Variants in CRTAM observed in about 807,000 individuals in gnomAD.
CRTAM encodes cytotoxic and regulatory T-cell molecule.
CRTAM carries 44 observed loss-of-function variants against 50.0 expected under a neutral mutation model. The ratio of observed to expected loss-of-function variants is 0.88; its 90% CI spans 0.69 to 1.13. CRTAM has a LOEUF of 1.13. Among genes scored for constraint, CRTAM ranks in the 50% most tolerant of loss-of-function variants. The pLI is 0.00. For missense variants in CRTAM, 448 were observed against 457.5 expected (o/e 0.98, Z 0.19); for synonymous variants, 159 against 169.3 (o/e 0.94, Z 0.47).
Position 122,855,864 on chromosome 11 carries a change from G to A in CRTAM, c.652+8G>A. 3 of 1,605,448 alleles carry A rather than the reference G, an allele frequency of 1.9e-6. No individual in the cohort carries two copies. The highest frequency in any genetic ancestry group is 2.6e-6 in the Non-Finnish European group (3 of 1,175,238). On this transcript the variant is annotated splice_region_variant and intron_variant, in intron 5 of 9. Coordinates refer to ENST00000227348, the MANE Select transcript of CRTAM (RefSeq NM_019604.4). ...TCCGGTTTGAAGATTTGGGTAAGAA[G>A]AACTAATGATTCTCTTGAATAATTT... is the stretch of plus-strand genomic sequence containing the variant.
At chr11:122,840,803 G>GAA (rs113375065) in intron 1 of CRTAM, among the ~76,000 whole-genome samples, 1 of 144,596 alleles carries the variant, frequency 6.9e-6, no homozygotes, top group Non-Finnish European at 1.5e-5. Context: ...AAAATTTATG[G>GAA]AAAAAAAAAA....
chr11:122,867,979 C>A (rs758009524), intron 8 of CRTAM, 34 bp from the exon 9 acceptor site: 3 of 1,272,944 alleles, frequency 2.4e-6, no homozygotes, highest in Non-Finnish European at 3.4e-6. Context: ...TCCATGGCAT[C>A]AGAAATTAGT....
intron 5 of CRTAM, among the ~76,000 whole-genome samples, chr11:122,862,025 A>G (rs1380143024): frequency 6.6e-6 from 1 of 152,164 alleles, no homozygotes; most frequent in East Asian, 1.9e-4. Flanking sequence ...AAGAGAAAAA[A>G]AAGTGCTAGG....
At chr11:122,868,514 C>T (rs1862212513) in intron 9 of CRTAM, among the ~76,000 whole-genome samples, 1 of 151,994 alleles carries the variant, frequency 6.6e-6, no homozygotes, top group Non-Finnish European at 1.5e-5. Flanking sequence ...TCTTTCTGGG[C>T]CCCCAACAGA....
At chr11:122,863,349 GAAAA>G (rs1294206737) in intron 6 of CRTAM, among the ~76,000 whole-genome samples, 1 of 43,422 alleles carries the variant, frequency 2.3e-5, no homozygotes, top group Admixed American at 2.1e-4. Flanking sequence ...AAGAAAGAAA[GAAAA>G]AGAAAGAAAG....
At chr11:122,842,945 G>A (rs910264108) in intron 1 of CRTAM, among the ~76,000 whole-genome samples, 1 of 152,150 alleles carries the variant, frequency 6.6e-6, no homozygotes, top group African/African-American at 2.4e-5. Flanking sequence ...GGACAGGCTT[G>A]CTCTGCTCTG....
At chr11:122,856,025 G>A (rs1047535891) in intron 5 of CRTAM, among the ~76,000 whole-genome samples, 169 bp downstream of exon 5, 6 of 152,214 alleles carry the variant, frequency 3.9e-5, no homozygotes, top group Non-Finnish European at 4.4e-5. Flanking sequence ...GGTGAGTGAC[G>A]GAATTCCAAC....
chr11:122,848,108 G>A (rs1485427424), intron 1 of CRTAM, among the ~76,000 whole-genome samples: 5 of 152,188 alleles, frequency 3.3e-5, no homozygotes, highest in Non-Finnish European at 7.3e-5. Flanking sequence ...AAGAACTGAT[G>A]CGTGGGCCCC....
At chr11:122,845,265 G>A (rs1660789298) in intron 1 of CRTAM, among the ~76,000 whole-genome samples, 1 of 152,222 alleles carries the variant, frequency 6.6e-6, no homozygotes, top group African/African-American at 2.4e-5. Flanking sequence ...GATATGGTCT[G>A]AGAATGGAGC....
chr11:122,848,184 C>T (rs1861889299), intron 1 of CRTAM, among the ~76,000 whole-genome samples: 2 of 152,236 alleles, frequency 1.3e-5, no homozygotes, highest in African/African-American at 4.8e-5. Flanking sequence ...GTGAGTCTAA[C>T]ATACTGCCAA....
chr11:122,847,578 T>C (rs1355452324), intron 1 of CRTAM, among the ~76,000 whole-genome samples: 2 of 152,120 alleles, frequency 1.3e-5, no homozygotes, highest in African/African-American at 4.8e-5. Context: ...AGGAGCCTAG[T>C]GAGATGTTAC....
At chr11:122,861,406 ATATATATATATATAT>A (rs1862075415) in intron 5 of CRTAM, among the ~76,000 whole-genome samples, 3 of 19,004 alleles carry the variant, frequency 1.6e-4, no homozygotes, top group African/African-American at 2.9e-4. Context: ...ATATATATAT[ATATATATATATATAT>A]TTTTTTTTTT....
At chr11:122,865,131 G>A (rs572531692) in intron 7 of CRTAM, among the ~76,000 whole-genome samples, 8 of 151,878 alleles carry the variant, frequency 5.3e-5, no homozygotes, top group African/African-American at 1.9e-4. Flanking sequence ...CCACCTCCCG[G>A]GTTCAAGTGA....
Position 122,867,303 on chromosome 11 carries a change from T to C in CRTAM, c.818-106T>C, listed in dbSNP as rs921889758. 8 of 965,300 alleles carry C rather than the reference T, an allele frequency of 8.3e-6. No homozygotes were observed. The African/African-American group carries it at 1.3e-4, about 16-fold the overall frequency. The allele number at this position is 965,300 out of a possible 1,614,324, so 59.8% of individuals were successfully genotyped here. ...CTTTCTCATCTCTTCATCTGAGCTGTCTATTAGCTTATATCACATTGTAGA... is the reference window on the plus strand; with the variant it reads ...CTTTCTCATCTCTTCATCTGAGCTGCCTATTAGCTTATATCACATTGTAGA... On this transcript the variant is annotated intron_variant, in intron 7 of 9. Coordinates refer to ENST00000227348, the MANE Select transcript of CRTAM (RefSeq NM_019604.4).
In CRTAM at chr11:122,841,402, C is replaced by T. The variant is rs557874723; in HGVS notation, c.46+2810C>T. ...TTATTCCTAAATATATACTTTTACT[C>T]TATTTTTTTTTTTTTTGAGACAGAG... is the stretch of plus-strand genomic sequence containing the variant. On this transcript the variant is annotated intron_variant, in intron 1 of 9. Coordinates refer to ENST00000227348, the MANE Select transcript of CRTAM (RefSeq NM_019604.4). 6.7e-5 allele frequency among the ~76,000 whole-genome samples: 7 copies of T among 104,800 alleles called. 1 individual carries two copies. The highest frequency in any genetic ancestry group is 1.4e-4 in the Non-Finnish European group (7 of 51,484). 68.8% of individuals were successfully genotyped at this position (104,800 alleles called of 152,430 possible).
chr11:122,839,651 C>T (rs559184498), intron 1 of CRTAM, among the ~76,000 whole-genome samples: 2 of 152,266 alleles, frequency 1.3e-5, no homozygotes, highest in Admixed American at 1.3e-4. Flanking sequence ...CCTGTTGTCC[C>T]TCAGTCTCTG....
At chr11:122,852,792 G>C (rs1436062915) in intron 3 of CRTAM, among the ~76,000 whole-genome samples, 7 of 152,070 alleles carry the variant, frequency 4.6e-5, no homozygotes, top group Non-Finnish European at 1.0e-4. Context: ...AACAGTTTAG[G>C]GGCTGAAGCC....
chr11:122,842,030 C>T (rs1861805325), intron 1 of CRTAM, among the ~76,000 whole-genome samples: 1 of 152,150 alleles, frequency 6.6e-6, no homozygotes, highest in Non-Finnish European at 1.5e-5. Flanking sequence ...ATGAGAAAGA[C>T]ATTCCAGGAC....
chr11:122,844,226 A>T (rs1318376950), intron 1 of CRTAM, among the ~76,000 whole-genome samples: 20 of 152,364 alleles, frequency 1.3e-4, no homozygotes, highest in African/African-American at 4.3e-4. Context: ...AAAATGTTGT[A>T]AGGGTTAAAT....
Sources: gnomAD v4.1 joint callset for allele counts (sites outside exome capture counted in the v4.1 genomes callset) on GRCh38, gnomAD v4.1.1 for gene constraint, MANE v1.5 for transcripts, NCBI Gene and HGNC (gene_info 2026-07-23, HGNC 2026-07-21) for gene names.